MTMR7: variants seen among roughly 807,000 people sequenced by gnomAD.
The protein encoded by MTMR7 is phosphatidylinositol-3-phosphate phosphatase MTMR7.
Under a neutral mutation model 81.2 loss-of-function variants are expected in MTMR7, and 76 were observed. The observed-to-expected ratio is 0.94, with a 90% CI of 0.78 to 1.13. The LOEUF (loss-of-function observed/expected upper bound fraction) is 1.13, where lower values mean the gene tolerates loss of function less well. Ranked by LOEUF, MTMR7 falls within the 50% of genes most tolerant of loss-of-function variation. The pLI, the probability that MTMR7 is intolerant of heterozygous loss-of-function variation, is 0.00. For missense variants in MTMR7, 1,044 were observed against 820.0 expected (o/e 1.27, Z -3.34); for synonymous variants, 372 against 289.8 (o/e 1.28, Z -2.88).
At chr8:17,357,567 G>C (rs1409448866) in intron 4 of MTMR7, among the ~76,000 whole-genome samples, 1 of 151,910 alleles carries the variant, frequency 6.6e-6, no homozygotes, top group East Asian at 1.9e-4. Flanking sequence ...TTCCCTCATA[G>C]CTATCACAAA....
intron 1 of MTMR7, among the ~76,000 whole-genome samples, chr8:17,399,320 C>T (rs1211360332): frequency 6.6e-6 from 1 of 152,190 alleles, no homozygotes; most frequent in East Asian, 1.9e-4. Context: ...AAAACAGTAG[C>T]GTTCATGTAT....
chr8:17,400,369 G>A (rs532493460), intron 1 of MTMR7, among the ~76,000 whole-genome samples: 4 of 152,272 alleles, frequency 2.6e-5, no homozygotes, highest in African/African-American at 7.2e-5. Context: ...GCTGTAAGAG[G>A]CAGAGTGAGG....
rs1038629556 is a variant in MTMR7 at position 17,372,865 on chromosome 8, G to T, written c.147+253C>A. 9 of 369,058 alleles carry T rather than the reference G, an allele frequency of 2.4e-5. No homozygotes were observed. In the South Asian group the frequency reaches 3.3e-4, roughly 14 times the overall value. 22.9% of individuals were successfully genotyped at this position (369,058 alleles called of 1,614,324 possible). A position where few individuals can be genotyped will look rare whatever the true frequency, so the allele number is the denominator to read the frequency against. ...AATCTCTCCTTGACAGCTGTGACAGGAAGCACTTGTATCTTCTGGCTAGTT... is the reference window on the plus strand; with the variant it reads ...AATCTCTCCTTGACAGCTGTGACAGTAAGCACTTGTATCTTCTGGCTAGTT... On this transcript the variant is annotated intron_variant, in intron 2 of 13. Coordinates refer to ENST00000180173, the MANE Select transcript of MTMR7 (RefSeq NM_004686.5).
intron 7 of MTMR7, among the ~76,000 whole-genome samples, chr8:17,328,232 G>GA (rs5889709): frequency 0.34 from 51,677 of 151,918 alleles, 10,693 homozygotes; most frequent in African/African-American, 0.56. Flanking sequence ...CAGATATGAA[G>GA]GGTGTCCCAG....
rs559858953 is a variant in MTMR7, at chr8:17,349,374, C to A, written c.469-293G>T. On this transcript the variant is annotated intron_variant, in intron 4 of 13. Coordinates refer to ENST00000180173, the MANE Select transcript of MTMR7 (RefSeq NM_004686.5). The stretch of plus-strand genomic sequence containing the variant: ...ACCAGTGACAATGAAGCCTTCCTTT[C>A]ATCAAAAAGAGACAAACTGCCATTT... The A allele has an allele frequency of 2.0e-3, 476 of 238,532 alleles. 3 individuals are homozygous for A. The highest frequency in any genetic ancestry group is 9.9e-3 in the African/African-American group (452 of 45,636). The allele number at this position is 238,532 out of a possible 1,614,324, so 14.8% of individuals were successfully genotyped here. A position where few individuals can be genotyped will look rare whatever the true frequency, so the allele number is the denominator to read the frequency against.
intron 6 of MTMR7, among the ~76,000 whole-genome samples, chr8:17,339,416 G>T (rs1181600118): frequency 6.6e-6 from 1 of 152,082 alleles, no homozygotes; most frequent in Non-Finnish European, 1.5e-5. Context: ...CCCATTAGCG[G>T]TCACTCACCA....
At chr8:17,315,773 A>G (rs541697399) in intron 7 of MTMR7, among the ~76,000 whole-genome samples, 1 of 152,326 alleles carries the variant, frequency 6.6e-6, no homozygotes, top group East Asian at 1.9e-4. Flanking sequence ...GCACTTTGAG[A>G]GGCCAAGTCA....
At chr8:17,357,863 G>C (rs984120575) in intron 4 of MTMR7, among the ~76,000 whole-genome samples, 7 of 152,252 alleles carry the variant, frequency 4.6e-5, no homozygotes, top group Admixed American at 2.6e-4. Flanking sequence ...TCAAAGTCCT[G>C]TGTATGCCAT....
rs151074719 is a variant in MTMR7 at position 17,297,352 on chromosome 8, A to AAGTT, written c.*2509_*2510insAACT. On this transcript the variant is annotated 3_prime_UTR_variant, in exon 14 of 14. Coordinates refer to ENST00000180173, the MANE Select transcript of MTMR7 (RefSeq NM_004686.5). ...TTTCTAGGCATAAATTGAGACTAGG[A>AAGTT]AATTTATATCAGAATAGAGGGTGCT... The AAGTT allele has an allele frequency of 2.0e-5, 3 of 152,090 alleles. No homozygotes were observed. The highest frequency in any genetic ancestry group is 2.0e-4 in the Admixed American group (3 of 15,274). 9.4% of individuals were successfully genotyped at this position (152,090 alleles called of 1,614,324 possible). A position where few individuals can be genotyped will look rare whatever the true frequency, so the allele number is the denominator to read the frequency against.
At chr8:17,339,812 A>T (rs1819353587) in intron 6 of MTMR7, among the ~76,000 whole-genome samples, 1 of 152,228 alleles carries the variant, frequency 6.6e-6, no homozygotes, top group Non-Finnish European at 1.5e-5. Flanking sequence ...ACTAAATTTA[A>T]AGTCCTTATG....
At chr8:17,340,955 T>G (rs1158589512) in intron 6 of MTMR7, among the ~76,000 whole-genome samples, 1 of 152,222 alleles carries the variant, frequency 6.6e-6, no homozygotes, top group African/African-American at 2.4e-5. Context: ...CAAGTTGAAT[T>G]TGAAAAATAA....
At chr8:17,328,670 C>G (rs1444087972) in intron 7 of MTMR7, among the ~76,000 whole-genome samples, 1 of 152,098 alleles carries the variant, frequency 6.6e-6, no homozygotes, top group East Asian at 1.9e-4. Flanking sequence ...CATCATGGCA[C>G]ACGTTCACTT....
intron 1 of MTMR7, among the ~76,000 whole-genome samples, chr8:17,392,156 G>T (rs1821127333): frequency 6.6e-6 from 1 of 151,878 alleles, no homozygotes; most frequent in African/African-American, 2.4e-5. Flanking sequence ...TGTTCAGAAT[G>T]GGAAAAAAAG....
chr8:17,375,945 G>T (rs1233646127), intron 1 of MTMR7, among the ~76,000 whole-genome samples: 1 of 152,116 alleles, frequency 6.6e-6, no homozygotes, highest in Non-Finnish European at 1.5e-5. Flanking sequence ...CCATTTAAAT[G>T]TACTATTCAA....
chr8:17,321,893 T>C (rs964101740), intron 7 of MTMR7, among the ~76,000 whole-genome samples: 5 of 152,134 alleles, frequency 3.3e-5, no homozygotes, highest in Admixed American at 1.3e-4. Flanking sequence ...AAGATATAAT[T>C]TTAGGACCTC....
intron 9 of MTMR7, among the ~76,000 whole-genome samples, chr8:17,310,529 C>CT (rs754865815): frequency 3.3e-5 from 5 of 152,148 alleles, no homozygotes; most frequent in Non-Finnish European, 5.9e-5. Flanking sequence ...CAGTGTGTGA[C>CT]TGGCAACCTC....
At chr8:17,399,346 T>C (rs531369702) in intron 1 of MTMR7, among the ~76,000 whole-genome samples, 4 of 152,138 alleles carry the variant, frequency 2.6e-5, no homozygotes, top group East Asian at 1.9e-4. Flanking sequence ...CAGTGAACAA[T>C]GTGAAAAAGA....
intron 6 of MTMR7, among the ~76,000 whole-genome samples, chr8:17,333,398 G>A (rs1426091346): frequency 3.9e-5 from 6 of 152,144 alleles, no homozygotes; most frequent in African/African-American, 9.7e-5. Flanking sequence ...TTTCAAAGAT[G>A]TTGGTTTATC....
At chr8:17,325,332 C>A (rs2150518270) in intron 7 of MTMR7, among the ~76,000 whole-genome samples, 1 of 152,280 alleles carries the variant, frequency 6.6e-6, no homozygotes, top group East Asian at 1.9e-4. Context: ...ACCATCCTTT[C>A]CACACCGAAT....
Sources: gnomAD v4.1 joint callset for allele counts (sites outside exome capture counted in the v4.1 genomes callset) on GRCh38, gnomAD v4.1.1 for gene constraint, MANE v1.5 for transcripts, NCBI Gene and HGNC (gene_info 2026-07-23, HGNC 2026-07-21) for gene names.